The following ARMC12 variants were observed in gnomAD, a reference collection of about 807,000 sequenced individuals.
ARMC12 encodes armadillo repeat-containing protein 12.
Under a neutral mutation model 37.4 loss-of-function variants are expected in ARMC12, and 25 were observed. The ratio of observed to expected loss-of-function variants is 0.67; its 90% CI spans 0.49 to 0.93. ARMC12 has a LOEUF of 0.93. ARMC12 is among the 40% of genes least tolerant of loss of function. The pLI, the probability that ARMC12 is intolerant of heterozygous loss-of-function variation, is 0.00. For missense variants in ARMC12, 384 were observed against 426.6 expected, an observed-to-expected ratio of 0.90 and a Z score of 0.88; for synonymous variants, 167 against 176.1, an observed-to-expected ratio of 0.95 and a Z score of 0.41.
At chr6:35,741,356 C>T (rs942234304) in intron 3 of ARMC12, among the ~76,000 whole-genome samples, 6 of 152,004 alleles carry the variant, frequency 3.9e-5, no homozygotes, top group African/African-American at 9.7e-5. Flanking sequence ...ATTTTCACCC[C>T]ACCAGCCCTG....
At chr6:35,747,754 A>G (rs1391986900) in intron 5 of ARMC12, 107 bp downstream of exon 5, 14 of 1,172,534 alleles carry the variant, frequency 1.2e-5, no homozygotes, top group Non-Finnish European at 1.7e-5. Context: ...TTGTTTTAGT[A>G]TCTTCCTGCC....
At chr6:35,744,966 G>C (rs902481105) in intron 3 of ARMC12, among the ~76,000 whole-genome samples, 1 of 152,288 alleles carries the variant, frequency 6.6e-6, no homozygotes, top group Middle Eastern at 3.4e-3. Flanking sequence ...AATTAGTGAC[G>C]ATACCAAATG....
At chr6:35,732,052 G>A (rs557966419), upstream of ARMC12, among the ~76,000 whole-genome samples, 3 of 152,354 alleles carry the variant, frequency 2.0e-5, no homozygotes, top group East Asian at 5.8e-4. Context: ...ATGCGCGCGG[G>A]GGGAGGAGGT....
intron 5 of ARMC12, among the ~76,000 whole-genome samples, chr6:35,748,217 A>G (rs148243633): frequency 6.6e-6 from 1 of 152,224 alleles, no homozygotes; most frequent in Admixed American, 6.5e-5. Context: ...GCCATTAGAC[A>G]TACTCAGAAC....
intron 1 of ARMC12, 179 bp downstream of exon 1, chr6:35,737,450 A>G: frequency 6.5e-7 from 1 of 1,546,626 alleles, no homozygotes; most frequent in Non-Finnish European, 8.7e-7. Flanking sequence ...CAGAGATGCT[A>G]GCTCAGGGTC....
Position 35,747,271 on chromosome 6 carries a change from T to C in ARMC12, c.455T>C (p.Ile152Thr), listed in dbSNP as rs780340550. Residue 152 changes from isoleucine (I) to threonine (T), a missense_variant, in exon 4 of 6, where the codon ATC becomes ACC. Coordinates refer to ENST00000373866, the MANE Select transcript of ARMC12 (RefSeq NM_001286574.2). ...TCTCCCCCACTCCAGGAACACTCCA[T>C]CAAAGTACTCGAACTGATCTCCACC... is the stretch of plus-strand genomic sequence containing the variant. ...KFRLKIQEHSIKVLELISTIW... is the reference protein window; with the variant it reads ...KFRLKIQEHSTKVLELISTIW... 1 of 1,612,066 alleles carries C rather than the reference T, an allele frequency of 6.2e-7. No homozygotes were observed. Among genetic ancestry groups the C allele is most frequent in the Non-Finnish European group, 8.5e-7 (1 of 1,179,736 alleles).
At position 35,747,404 on chromosome 6, in the gene ARMC12, G is replaced by C; in HGVS notation, c.588G>C (p.Glu196Asp). 6.2e-7 allele frequency: 1 copy of C among 1,614,224 alleles called. No homozygotes were observed. The highest frequency in any genetic ancestry group is 1.1e-5 in the South Asian group (1 of 91,090). The part of the protein sequence containing the change: ...QLRRVMPALM[E>D]ILQSDYILAQ... ...GACGGGTGATGCCTGCCTTGATGGA[G>C]ATCCTGCAGTCAGACTACATCCTGG... is the stretch of plus-strand genomic sequence containing the variant. The change falls in exon 4 of 6, where the codon GAG (glutamate) becomes GAC (aspartate). Residue 196 changes from glutamate (E) to aspartate (D), a missense_variant. Transcript: ENST00000373866.
At chr6:35,731,945 C>G in the ARMC12 span, among the ~76,000 whole-genome samples, 3 of 152,140 alleles carry the variant, frequency 2.0e-5, no homozygotes, top group African/African-American at 7.2e-5. Context: ...GGTGCCGGCG[C>G]CGGGCGCGGC....
At chr6:35,746,533 A>T (rs1363330540) in intron 3 of ARMC12, among the ~76,000 whole-genome samples, 1 of 152,110 alleles carries the variant, frequency 6.6e-6, no homozygotes, top group Non-Finnish European at 1.5e-5. Flanking sequence ...CTGAAAGTAG[A>T]TGCAGGGGGT....
At chr6:35,736,995 A>G (rs766924597), upstream of ARMC12, 6 of 1,474,556 alleles carry the variant, frequency 4.1e-6, no homozygotes, top group East Asian at 2.3e-5. Context: ...TTTGTTGCCT[A>G]GGTTCCAATT....
At chr6:35,747,721 C>A in intron 5 of ARMC12, 74 bp downstream of exon 5, 1 of 1,469,504 alleles carries the variant, frequency 6.8e-7, no homozygotes, top group Non-Finnish European at 9.5e-7. Context: ...ATGGCATCTC[C>A]AGACAGATTT....
At position 35,748,909 on chromosome 6, in the gene ARMC12, T is replaced by C. The variant is rs771510315; in HGVS notation, c.*39T>C. 1 of 1,535,696 alleles carries C rather than the reference T, an allele frequency of 6.5e-7. No homozygotes were observed. Among genetic ancestry groups the C allele is most frequent in the East Asian group, 2.3e-5 (1 of 43,990 alleles). ...CAATAAATGAGTATAGGAGAGAAAC[T>C]TGAAGTTTCTTGAAGCTCGAATGTC... is the stretch of plus-strand genomic sequence containing the variant. On this transcript the variant is annotated 3_prime_UTR_variant, in exon 6 of 6. Coordinates refer to ENST00000373866, the MANE Select transcript of ARMC12 (RefSeq NM_001286574.2).
chr6:35,731,907 C>G, the ARMC12 span, among the ~76,000 whole-genome samples: 1 of 152,148 alleles, frequency 6.6e-6, no homozygotes, highest in African/African-American at 2.4e-5. Flanking sequence ...CAGGCGCCGC[C>G]GAGCGCGGGA....
Position 35,747,655 on chromosome 6 carries a change from A to G in ARMC12, c.690+8A>G. On this transcript the variant is annotated splice_region_variant and intron_variant, in intron 5 of 5. Transcript: ENST00000373866. ...GACATTCTCAACTGCCAGGTGAGAAAGAAATTGAAGAGGGGCTGATGAATG... is the reference window on the plus strand; with the variant it reads ...GACATTCTCAACTGCCAGGTGAGAAGGAAATTGAAGAGGGGCTGATGAATG... 1 of 1,613,304 alleles carries G rather than the reference A, an allele frequency of 6.2e-7. No individual in the cohort carries two copies. The highest frequency in any genetic ancestry group is 8.5e-7 in the Non-Finnish European group (1 of 1,179,396).
rs777525803 is a variant in ARMC12, at chr6:35,748,617, G to A, written c.770G>A (p.Arg257Gln). Residue 257 changes from arginine to glutamine, a missense_variant, in exon 6 of 6, where the codon CGG (arginine) becomes CAG (glutamine). Coordinates refer to ENST00000373866, the MANE Select transcript of ARMC12 (RefSeq NM_001286574.2). ...LLYEVLVFAERLSEGRNAPHY... is the reference protein window; with the variant it reads ...LLYEVLVFAEQLSEGRNAPHY... ...TATGAGGTACTGGTGTTTGCTGAGC[G>A]GCTGAGTGAGGGCCGGAACGCACCC... The A allele has an allele frequency of 1.4e-5, 23 of 1,606,524 alleles. No individual in the cohort carries two copies. The highest frequency in any genetic ancestry group is 1.7e-4 in the Middle Eastern group (1 of 6,058).
chr6:35,738,285 G>GA lies in ARMC12; in HGVS notation c.310-99_310-98insA, dbSNP rs1767046932. The GA allele has an allele frequency of 1.1e-5, 12 of 1,136,058 alleles. No homozygotes were observed. The South Asian group carries it at 1.9e-4, about 18-fold the overall frequency. 70.4% of individuals were successfully genotyped at this position (1,136,058 alleles called of 1,614,324 possible). ...TGGGACCTCTCTCTGGCTGATAGCG[G>GA]TGGGGGGGGGGTGTGCGGAGGGATC... On this transcript the variant is annotated intron_variant, in intron 2 of 5. Transcript: ENST00000373866.
In ARMC12 at chr6:35,748,589, C is replaced by T. The variant is rs1432243689; in HGVS notation, c.742C>T (p.Leu248=). ...CCAGCCCACACAGTCAGGGAGTCTC[C>T]TGTATGAGGTACTGGTGTTTGCTGA... ...LFQPTQSGSL[L]YEVLVFAERL... is the part of the protein sequence containing the mutation. The change falls in exon 6 of 6, where the codon CTG becomes TTG. Residue 248 remains leucine, a synonymous_variant. Transcript: ENST00000373866. 1.9e-6 allele frequency: 3 copies of T among 1,581,448 alleles called. No homozygotes were observed. The highest frequency in any genetic ancestry group is 2.6e-6 in the Non-Finnish European group (3 of 1,162,352).
In ARMC12 at chr6:35,738,524, C is replaced by G. The variant is rs1372322466; in HGVS notation, c.444+6C>G. Reference sequence around the variant, plus strand: ...AATTCAGGCTCAAAATCCAGGTGAGCCCAGGGATGCGTGGTGGGGCATGCA... The same window carrying G: ...AATTCAGGCTCAAAATCCAGGTGAGGCCAGGGATGCGTGGTGGGGCATGCA... On this transcript the variant is annotated splice_donor_region_variant and intron_variant, in intron 3 of 5. Transcript: ENST00000373866. 1.2e-5 allele frequency: 19 copies of G among 1,613,672 alleles called. No individual in the cohort carries two copies. The highest frequency in any genetic ancestry group is 1.5e-5 in the Non-Finnish European group (18 of 1,179,914).
intron 2 of ARMC12, 58 bp from the exon 3 acceptor site, chr6:35,738,326 G>A (rs1767056535): frequency 1.3e-6 from 2 of 1,578,626 alleles, no homozygotes; most frequent in Non-Finnish European, 1.7e-6. Context: ...GACATGGGGG[G>A]CAGTGGGCCC....
Sources: gnomAD v4.1 joint callset for allele counts (sites outside exome capture counted in the v4.1 genomes callset) on GRCh38, gnomAD v4.1.1 for gene constraint, MANE v1.5 for transcripts, NCBI Gene and HGNC (gene_info 2026-07-23, HGNC 2026-07-21) for gene names.